Variants in ESR1 observed in about 807,000 individuals in gnomAD.
ESR1 encodes the protein estrogen receptor 1, also known as estrogen receptor.
Under a neutral mutation model 52.7 loss-of-function variants are expected in ESR1, and 12 were observed. The ratio of observed to expected loss-of-function variants is 0.23; its 90% CI spans 0.15 to 0.37. The LOEUF is 0.37. Ranked by LOEUF, ESR1 falls within the 10% of genes least tolerant of loss-of-function variation. The pLI, the probability that ESR1 is intolerant of heterozygous loss-of-function variation, is 1.00. For missense variants in ESR1, 584 were observed against 779.7 expected, an observed-to-expected ratio of 0.75 and a Z score of 2.99; for synonymous variants, 305 against 316.8, an observed-to-expected ratio of 0.96 and a Z score of 0.39.
At chr6:152,050,764 G>A (rs761186653) in intron 5 of ESR1, among the ~76,000 whole-genome samples, 4 of 152,140 alleles carry the variant, frequency 2.6e-5, no homozygotes, top group Non-Finnish European at 4.4e-5. Flanking sequence ...GTTCAGAATC[G>A]TCTGCAGAGG....
chr6:152,107,550 A>G (rs1164995937), downstream of ESR1, among the ~76,000 whole-genome samples: 1 of 152,230 alleles, frequency 6.6e-6, no homozygotes, highest in Non-Finnish European at 1.5e-5. Flanking sequence ...ATATTTAAGC[A>G]TATTTATAAT....
chr6:152,079,039 A>T (rs1013573983), intron 6 of ESR1, among the ~76,000 whole-genome samples: 3 of 152,160 alleles, frequency 2.0e-5, no homozygotes, highest in African/African-American at 7.2e-5. Flanking sequence ...TCTAGATTCC[A>T]CCTCTGGGGG....
At chr6:151,733,519 T>G (rs1421649405) in intron 2 of ESR1, among the ~76,000 whole-genome samples, 1 of 152,160 alleles carries the variant, frequency 6.6e-6, no homozygotes, top group East Asian at 1.9e-4. Context: ...ATCTACTACA[T>G]ATAAGGCAAA....
intron 1 of ESR1, among the ~76,000 whole-genome samples, chr6:151,841,493 A>G (rs751117318): frequency 2.0e-5 from 3 of 151,588 alleles, no homozygotes; most frequent in African/African-American, 4.9e-5. Context: ...CTCTCCATAA[A>G]CCTTTCTACT....
chr6:151,868,562 A>G (rs1018399481), intron 2 of ESR1, among the ~76,000 whole-genome samples: 13 of 138,634 alleles, frequency 9.4e-5, no homozygotes, highest in African/African-American at 3.2e-4. Flanking sequence ...AACACATGGT[A>G]TTTGGTTTTC....
intron 3 of ESR1, among the ~76,000 whole-genome samples, chr6:151,890,367 G>A (rs376110405): frequency 4.6e-5 from 7 of 152,244 alleles, no homozygotes; most frequent in Admixed American, 2.0e-4. Flanking sequence ...GATTACAGGA[G>A]TGAGCCACCG....
intron 6 of ESR1, among the ~76,000 whole-genome samples, chr6:152,084,546 G>A (rs751712136): frequency 2.6e-5 from 4 of 152,044 alleles, no homozygotes; most frequent in Non-Finnish European, 4.4e-5. Context: ...CCAGTCTCGA[G>A]TATGTCTTTA....
intron 1 of ESR1, among the ~76,000 whole-genome samples, chr6:151,678,859 G>A (rs542528827): frequency 6.6e-5 from 10 of 152,048 alleles, no homozygotes; most frequent in African/African-American, 2.4e-4. Context: ...GCTAATTTTT[G>A]CATTTTTAGT....
At position 152,087,235 on chromosome 6, in the gene ESR1, A is replaced by G. The variant is rs532896484; in HGVS notation, c.1370-7150A>G. Reference sequence around the variant, plus strand: ...TGTGGTTTCCATAACAAAGTGTGGCAGTATTGGCATTAGGGAAGAGAAATG... The same window carrying G: ...TGTGGTTTCCATAACAAAGTGTGGCGGTATTGGCATTAGGGAAGAGAAATG... On this transcript the variant is annotated intron_variant, in intron 6 of 7. Transcript: ENST00000206249. Among the ~76,000 whole-genome samples the G allele has an allele frequency of 3.3e-5, 5 of 152,326 alleles. No individual in the cohort carries two copies. In the South Asian group the frequency reaches 8.3e-4, roughly 25 times the overall value.
chr6:152,103,856 C>T (rs1283295167), downstream of ESR1, among the ~76,000 whole-genome samples: 3 of 152,078 alleles, frequency 2.0e-5, no homozygotes, highest in Non-Finnish European at 4.4e-5. Flanking sequence ...CTGCGTGCTT[C>T]CTTTACCCAT....
intron 3 of ESR1, among the ~76,000 whole-genome samples, chr6:151,932,990 G>C (rs2033873825): frequency 6.6e-6 from 1 of 152,120 alleles, no homozygotes; most frequent in African/African-American, 2.4e-5. Flanking sequence ...ATTCTGTGAA[G>C]AAAGATATTG....
chr6:151,748,857 A>G (rs1783680774), intron 2 of ESR1, among the ~76,000 whole-genome samples: 1 of 152,190 alleles, frequency 6.6e-6, no homozygotes, highest in Admixed American at 6.5e-5. Flanking sequence ...GCAGGCATAG[A>G]GATTGTATCT....
At chr6:152,055,010 G>T (rs1183269499) in intron 5 of ESR1, among the ~76,000 whole-genome samples, 1 of 152,142 alleles carries the variant, frequency 6.6e-6, no homozygotes, top group African/African-American at 2.4e-5. Context: ...CAAGCGACAG[G>T]ATTTCCTTCT....
At chr6:151,757,728 A>G (rs992729997) in intron 2 of ESR1, among the ~76,000 whole-genome samples, 1 of 152,236 alleles carries the variant, frequency 6.6e-6, no homozygotes, top group African/African-American at 2.4e-5. Context: ...ACTAGAACCA[A>G]GATGAAAGCT....
chr6:151,793,817 TA>T (rs1162591987), intron 2 of ESR1, among the ~76,000 whole-genome samples: 1 of 152,186 alleles, frequency 6.6e-6, no homozygotes, highest in African/African-American at 2.4e-5. Context: ...ACCACAACAG[TA>T]AAACAATATG....
At chr6:151,941,649 G>A (rs1454729088) in intron 3 of ESR1, among the ~76,000 whole-genome samples, 1 of 151,550 alleles carries the variant, frequency 6.6e-6, no homozygotes, top group African/African-American at 2.4e-5. Context: ...AATGCTTTCT[G>A]AATAATGGAA....
chr6:151,880,243 C>T (rs955110832), intron 2 of ESR1, among the ~76,000 whole-genome samples: 4 of 132,838 alleles, frequency 3.0e-5, no homozygotes, highest in Non-Finnish European at 4.6e-5. Context: ...AGTGCAGTGG[C>T]GCAATCTCGG....
chr6:151,685,105 CTCTTTTTTTTTTT>C, intron 1 of ESR1, among the ~76,000 whole-genome samples: 1 of 114,698 alleles, frequency 8.7e-6, no homozygotes, highest in African/African-American at 3.2e-5. Context: ...TGACACTGGC[CTCTTTTTTTTTTT>C]TTTTTTTTTT....
intron 2 of ESR1, among the ~76,000 whole-genome samples, chr6:151,875,084 G>A (rs1404707892): frequency 6.6e-6 from 1 of 152,218 alleles, no homozygotes; most frequent in Non-Finnish European, 1.5e-5. Flanking sequence ...ATGAAATACA[G>A]TCATATTAGG....
Sources: allele counts gnomAD v4.1 joint callset (sites outside exome capture counted in the v4.1 genomes callset), GRCh38; gene constraint gnomAD v4.1.1; transcripts MANE v1.5; gene names NCBI Gene and HGNC (gene_info 2026-07-23, HGNC 2026-07-21).